The following MINK1 variants were observed in gnomAD, a reference collection of about 807,000 sequenced individuals.
The protein encoded by MINK1 is misshapen-like kinase 1.
In MINK1, 46 loss-of-function variants were observed where a neutral mutation model predicts 178.4. The ratio of observed to expected loss-of-function variants is 0.26; its 90% CI spans 0.20 to 0.33. The LOEUF is 0.33. MINK1 is among the 10% of genes least tolerant of loss of function. The pLI, the probability that MINK1 is intolerant of heterozygous loss-of-function variation, is 1.00. For synonymous variants in MINK1, 797 were observed against 709.7 expected (o/e 1.12, Z -1.96); for missense variants, 1,366 against 1,814.9 (o/e 0.75, Z 4.49).
intron 1 of MINK1, among the ~76,000 whole-genome samples, chr17:4,864,385 G>A (rs957859791): frequency 6.7e-6 from 1 of 149,134 alleles, no homozygotes; most frequent in Non-Finnish European, 1.5e-5. Flanking sequence ...GGCAACAAGA[G>A]CAAAACTCTG....
At chr17:4,882,379 G>C (rs1333032655) in intron 4 of MINK1, among the ~76,000 whole-genome samples, 1 of 152,220 alleles carries the variant, frequency 6.6e-6, no homozygotes, top group Admixed American at 6.5e-5. Flanking sequence ...TCTGCCTGCG[G>C]GTCTCAGCTG....
At chr17:4,861,912 A>G (rs1914228749) in intron 1 of MINK1, among the ~76,000 whole-genome samples, 1 of 152,338 alleles carries the variant, frequency 6.6e-6, no homozygotes, top group South Asian at 2.1e-4. Flanking sequence ...GTTACCCCAC[A>G]TGCTCACTAT....
At chr17:4,893,342 T>C (rs775796468) in intron 20 of MINK1, 92 bp from the exon 21 acceptor site, 7 of 1,613,252 alleles carry the variant, frequency 4.3e-6, no homozygotes, top group Non-Finnish European at 5.9e-6. Context: ...TGGGAGCCCC[T>C]CCTGTCGCCC....
Position 4,892,647 on chromosome 17 carries a change from C to T in MINK1, c.2199-9C>T, listed in dbSNP as rs1023799543. On this transcript the variant is annotated splice_polypyrimidine_tract_variant and intron_variant, in intron 18 of 31. Coordinates refer to ENST00000355280, the MANE Select transcript of MINK1 (RefSeq NM_153827.5). ...TGCCTCCCTGACCCTGACTCTGCCC[C>T]CCCAACAGTAACCCCGACCTCAGGA... The T allele has an allele frequency of 2.9e-5, 46 of 1,594,764 alleles. No homozygotes were observed. The highest frequency in any genetic ancestry group is 3.9e-5 in the Non-Finnish European group (46 of 1,169,172).
chr17:4,893,723 G>A, intron 21 of MINK1, 126 bp downstream of exon 21: 3 of 1,339,062 alleles, frequency 2.2e-6, no homozygotes, highest in Non-Finnish European at 2.0e-6. Context: ...AGAGAGTGGG[G>A]TGAGGGTGCA....
intron 1 of MINK1, among the ~76,000 whole-genome samples, chr17:4,854,591 C>T (rs1372387368): frequency 6.6e-6 from 1 of 152,234 alleles, no homozygotes; most frequent in Non-Finnish European, 1.5e-5. Flanking sequence ...GTGTGTCTCA[C>T]ACATCCCTCT....
intron 13 of MINK1, 39 bp from the exon 14 acceptor site, chr17:4,890,478 A>G (rs1165086645): frequency 6.4e-7 from 1 of 1,552,790 alleles, no homozygotes; most frequent in East Asian, 2.4e-5. Flanking sequence ...TCCCAGGGCC[A>G]CACCCTGCTG....
intron 1 of MINK1, chr17:4,854,779 T>C: frequency 2.0e-6 from 1 of 494,188 alleles, no homozygotes; most frequent in Non-Finnish European, 4.0e-6. Flanking sequence ...AGAGGACAAG[T>C]ACTTCACGTT....
At position 4,889,772 on chromosome 17, in the gene MINK1, C is replaced by A; in HGVS notation, c.1347+9C>A. ...AGGCGGAGCGCGAGCAGGTAGAGCG[C>A]CGCACCCGCATCCCTGCCCTCCCGC... On this transcript the variant is annotated intron_variant, in intron 13 of 31. Coordinates refer to ENST00000355280, the MANE Select transcript of MINK1 (RefSeq NM_153827.5). 2 of 1,522,072 alleles carry A rather than the reference C, an allele frequency of 1.3e-6. No homozygotes were observed. Among genetic ancestry groups the A allele is most frequent in the Non-Finnish European group, 1.8e-6 (2 of 1,137,092 alleles). The allele number at this position is 1,522,072 out of a possible 1,614,324, so 94.3% of individuals were successfully genotyped here. A position where few individuals can be genotyped will look rare whatever the true frequency, so the allele number is the denominator to read the frequency against.
intron 13 of MINK1, 87 bp downstream of exon 13, chr17:4,889,850 C>G: frequency 1.1e-6 from 1 of 885,816 alleles, no homozygotes; most frequent in Non-Finnish European, 1.7e-6. Context: ...TCCCCCTTCT[C>G]TCCCCCACCC....
In MINK1 at chr17:4,885,357, C is replaced by T; in HGVS notation, c.509-126C>T. ...GATGGTGGTGGGGTAAAGGAGGGTG[C>T]TGGGGTGTCTGGGTCGGGCCAGGAC... is the stretch of plus-strand genomic sequence containing the variant. On this transcript the variant is annotated intron_variant, in intron 6 of 31. Transcript: ENST00000355280. This position sits in a 1 kb window ranked among gnomAD's most constrained non-coding sequence, Gnocchi z 5.0. 1 of 1,265,874 alleles carries T rather than the reference C, an allele frequency of 7.9e-7. No homozygotes were observed. Among genetic ancestry groups the T allele is most frequent in the South Asian group, 1.4e-5 (1 of 73,146 alleles). 78.4% of individuals were successfully genotyped at this position (1,265,874 alleles called of 1,614,324 possible). A position where few individuals can be genotyped will look rare whatever the true frequency, so the allele number is the denominator to read the frequency against.
chr17:4,847,315 T>C (rs1200898041), intron 1 of MINK1: 1 of 443,716 alleles, frequency 2.3e-6, no homozygotes, highest in East Asian at 7.1e-5. Context: ...CTCAGCTCAC[T>C]GCATCCTCTG....
intron 20 of MINK1, 63 bp downstream of exon 20, chr17:4,893,130 C>T: frequency 1.3e-6 from 2 of 1,524,408 alleles, no homozygotes; most frequent in Admixed American, 2.0e-5. Context: ...CCTCAGGGTG[C>T]TGGGTGTCAG....
chr17:4,894,424 G>C lies in MINK1; in HGVS notation c.2809-101G>C. 2 of 1,523,070 alleles carry C rather than the reference G, an allele frequency of 1.3e-6. No homozygotes were observed. The highest frequency in any genetic ancestry group is 2.0e-5 in the Admixed American group (1 of 50,880). 94.3% of individuals were successfully genotyped at this position (1,523,070 alleles called of 1,614,324 possible). On this transcript the variant is annotated intron_variant, in intron 23 of 31. Coordinates refer to ENST00000355280, the MANE Select transcript of MINK1 (RefSeq NM_153827.5). This position sits in a 1 kb window ranked among gnomAD's most constrained non-coding sequence, Gnocchi z 4.1. ...GGCGGAGCGCTGGGAGCTGGACAGC[G>C]GGGGTGCCAGTTGGGGAGCTGGAGC...
rs1487190552 is a variant in MINK1, at chr17:4,896,378, C to T, written c.3615+36C>T. 6.2e-7 allele frequency: 1 copy of T among 1,606,094 alleles called. No individual in the cohort carries two copies. The highest frequency in any genetic ancestry group is 1.1e-5 in the South Asian group (1 of 89,788). On this transcript the variant is annotated intron_variant, in intron 29 of 31. Coordinates refer to ENST00000355280, the MANE Select transcript of MINK1 (RefSeq NM_153827.5). This position sits in a 1 kb window ranked among gnomAD's most constrained non-coding sequence, Gnocchi z 4.6. ...CGGGGCTGCTGGGGGAGTGGGATGG[C>T]CCAGTCTGGGCACCAGACACGGAGA...
At chr17:4,835,764 G>T (rs1208174580) in intron 1 of MINK1, among the ~76,000 whole-genome samples, 1 of 152,116 alleles carries the variant, frequency 6.6e-6, no homozygotes, top group Non-Finnish European at 1.5e-5. Context: ...GGGATTTCCA[G>T]CAATTCCACA....
rs921097823 is a variant in MINK1 at position 4,894,852 on chromosome 17, CAA to C, written c.2917+221_2918-220del. On this transcript the variant is annotated intron_variant, in intron 24 of 31. Transcript: ENST00000355280. The surrounding 1 kb of genome is among the most constrained non-coding windows in gnomAD (Gnocchi z 4.1). ...GCTCAGAGTTGCCAGGGGACCTGGGCAAAGACTCAAAGCTAACAAGTGACAGA... is the reference window on the plus strand; with the variant it reads ...GCTCAGAGTTGCCAGGGGACCTGGGCAGACTCAAAGCTAACAAGTGACAGA... 56 of 648,974 alleles carry C rather than the reference CAA, an allele frequency of 8.6e-5. No homozygotes were observed. The African/African-American group carries it at 1.0e-3, about 12-fold the overall frequency. The allele number at this position is 648,974 out of a possible 1,614,324, so 40.2% of individuals were successfully genotyped here.
rs376309826 is a variant in MINK1, at chr17:4,896,480, G to A, written c.3667G>A (p.Gly1223Ser). The change falls in exon 30 of 32, where the codon GGC becomes AGC. Residue 1223 changes from glycine to serine, a missense_variant. Physicochemically the swap from Gly to Ser is moderately conservative, Grantham distance 56. Coordinates refer to ENST00000355280, the MANE Select transcript of MINK1 (RefSeq NM_153827.5). The surrounding 1 kb of genome is among the most constrained non-coding windows in gnomAD (Gnocchi z 4.6). ...HAIIFLPNTD[G>S]MEMLLCYEDE... ...CATCATCTTCCTCCCCAACACCGAC[G>A]GCATGGAGATGCTGCTGTGCTACGA... 2.5e-5 allele frequency: 41 copies of A among 1,613,804 alleles called. No homozygotes were observed. The highest frequency in any genetic ancestry group is 4.5e-5 in the East Asian group (2 of 44,880).
At chr17:4,892,255 C>A (rs368354813) in intron 17 of MINK1, 21 bp downstream of exon 17, 31 of 1,552,430 alleles carry the variant, frequency 2.0e-5, no homozygotes, top group Middle Eastern at 1.7e-4. Flanking sequence ...GGTAGGGCAA[C>A]GCCTGGGTGA....
Sources: gnomAD v4.1 joint callset for allele counts (sites outside exome capture counted in the v4.1 genomes callset) on GRCh38, gnomAD v4.1.1 for gene constraint, Gnocchi (gnomAD v3.1) non-coding constraint, MANE v1.5 for transcripts, NCBI Gene and HGNC (gene_info 2026-07-23, HGNC 2026-07-21) for gene names.